The following DOCK3 variants were observed in gnomAD, a reference collection of about 807,000 sequenced individuals.
DOCK3 encodes dedicator of cytokinesis protein 3.
A neutral mutation model predicts 265.6 loss-of-function variants in DOCK3; 60 were observed. The ratio of observed to expected loss-of-function variants is 0.23; its 90% CI spans 0.18 to 0.28. The LOEUF (loss-of-function observed/expected upper bound fraction) is 0.28. Among genes scored for constraint, DOCK3 ranks in the 10% least tolerant of loss-of-function variants. The pLI is 1.00. For synonymous variants in DOCK3, 881 were observed against 938.0 expected (o/e 0.94, Z 1.11); for missense variants, 1,981 against 2,594.3 (o/e 0.76, Z 5.14).
At chr3:51,282,875 A>G (rs1406098049) in intron 27 of DOCK3, among the ~76,000 whole-genome samples, 1 of 152,164 alleles carries the variant, frequency 6.6e-6, no homozygotes, top group East Asian at 1.9e-4. Context: ...CTGGACAAAG[A>G]CATCACAAGA....
intron 5 of DOCK3, among the ~76,000 whole-genome samples, chr3:51,027,794 T>G (rs1401321383): frequency 6.6e-6 from 1 of 152,156 alleles, no homozygotes; most frequent in Non-Finnish European, 1.5e-5. Context: ...TTGCATGATC[T>G]TTATCTCTTT....
chr3:50,860,329 G>A (rs1050785166), intron 3 of DOCK3, among the ~76,000 whole-genome samples: 2 of 152,190 alleles, frequency 1.3e-5, no homozygotes, highest in East Asian at 1.9e-4. Context: ...TGCCCCTGGA[G>A]GCTCTGCTTA....
At chr3:50,823,001 A>T (rs1362665371) in intron 2 of DOCK3, among the ~76,000 whole-genome samples, 1 of 152,236 alleles carries the variant, frequency 6.6e-6, no homozygotes, top group Non-Finnish European at 1.5e-5. Flanking sequence ...ATATTGTCAC[A>T]GAATTTGAAA....
At chr3:50,993,877 T>C (rs2078192307) in intron 5 of DOCK3, among the ~76,000 whole-genome samples, 1 of 152,150 alleles carries the variant, frequency 6.6e-6, no homozygotes, top group Admixed American at 6.5e-5. Context: ...ATTACTACTA[T>C]TGTTGGTCAG....
At chr3:50,705,032 A>AT (rs34158054) in intron 1 of DOCK3, among the ~76,000 whole-genome samples, 59,848 of 136,516 alleles carry the variant, frequency 0.44, 13,500 homozygotes, top group East Asian at 0.56. Flanking sequence ...TTGTTTTCTG[A>AT]TTTTTTTTTT....
rs80244824 is a variant in DOCK3 at position 51,207,280 on chromosome 3, T to C, written c.1038-1494T>C. ...TGAGTGAAATAATGCAGATTGCCACTGTTGATAGGACTAACAAAGCTCCAG... is the reference window on the plus strand; with the variant it reads ...TGAGTGAAATAATGCAGATTGCCACCGTTGATAGGACTAACAAAGCTCCAG... On this transcript the variant is annotated intron_variant, in intron 12 of 52. Coordinates refer to ENST00000266037, the MANE Select transcript of DOCK3 (RefSeq NM_004947.5). 3.1e-3 allele frequency among the ~76,000 whole-genome samples: 471 copies of C among 152,278 alleles called. 2 individuals are homozygous for C. Among genetic ancestry groups the C allele is most frequent in the African/African-American group, 0.011 (457 of 41,542 alleles).
intron 9 of DOCK3, among the ~76,000 whole-genome samples, chr3:51,146,062 C>A (rs2085286268): frequency 6.6e-6 from 1 of 152,216 alleles, no homozygotes; most frequent in South Asian, 2.1e-4. Flanking sequence ...TCCTCACAGG[C>A]CACAGGCCCG....
At chr3:50,846,940 A>T (rs1267239199) in intron 3 of DOCK3, among the ~76,000 whole-genome samples, 1 of 151,974 alleles carries the variant, frequency 6.6e-6, no homozygotes, top group Non-Finnish European at 1.5e-5. Context: ...CAGTCCATCA[A>T]TCTTGTTGAT....
At chr3:50,869,676 C>CT (rs887955291) in intron 3 of DOCK3, among the ~76,000 whole-genome samples, 25 of 144,272 alleles carry the variant, frequency 1.7e-4, no homozygotes, top group African/African-American at 5.5e-4. Flanking sequence ...GCGACCTGAT[C>CT]TTTATTATTT....
chr3:50,872,833 A>C (rs1475928999), intron 3 of DOCK3, among the ~76,000 whole-genome samples: 1 of 152,138 alleles, frequency 6.6e-6, no homozygotes, highest in Non-Finnish European at 1.5e-5. Context: ...TCACAGGCCC[A>C]CGGGGCCTAC....
intron 5 of DOCK3, among the ~76,000 whole-genome samples, chr3:51,049,827 A>C (rs1049467438): frequency 9.0e-5 from 13 of 144,756 alleles, no homozygotes; most frequent in Admixed American, 1.4e-4. Flanking sequence ...ACACACACAC[A>C]CCCCAAAAAA....
intron 22 of DOCK3, among the ~76,000 whole-genome samples, chr3:51,248,674 C>A (rs1359580301): frequency 4.0e-5 from 6 of 151,652 alleles, no homozygotes; most frequent in Non-Finnish European, 5.9e-5. Flanking sequence ...ATGTGAGGAG[C>A]CCCTCTGCCT....
At chr3:50,721,927 C>T (rs1281556947) in intron 1 of DOCK3, among the ~76,000 whole-genome samples, 1 of 151,980 alleles carries the variant, frequency 6.6e-6, no homozygotes, top group African/African-American at 2.4e-5. Context: ...GATCAGAGTC[C>T]CCAGAGCCCC....
At chr3:50,808,734 T>C (rs1455350079) in intron 2 of DOCK3, among the ~76,000 whole-genome samples, 1 of 152,218 alleles carries the variant, frequency 6.6e-6, no homozygotes, top group East Asian at 1.9e-4. Flanking sequence ...AGGGGTTCTT[T>C]TAAGTTCTTA....
intron 4 of DOCK3, among the ~76,000 whole-genome samples, chr3:50,903,813 G>A (rs755593339): frequency 2.6e-5 from 4 of 151,646 alleles, no homozygotes; most frequent in Non-Finnish European, 5.9e-5. Context: ...TGTGCACCAC[G>A]TGCAGGTTTG....
intron 1 of DOCK3, among the ~76,000 whole-genome samples, chr3:50,739,073 G>A (rs1361153981): frequency 6.6e-6 from 1 of 151,814 alleles, no homozygotes; most frequent in Non-Finnish European, 1.5e-5. Context: ...TTTGGGGGGG[G>A]GTTATTTAGA....
intron 4 of DOCK3, among the ~76,000 whole-genome samples, chr3:50,919,228 GT>G (rs2050298162): frequency 6.6e-6 from 1 of 152,178 alleles, no homozygotes; most frequent in Admixed American, 6.5e-5. Flanking sequence ...GCTTAGGATT[GT>G]CTGGGCAATG....
chr3:51,181,140 A>AT (rs998578198), intron 12 of DOCK3, among the ~76,000 whole-genome samples: 5 of 152,070 alleles, frequency 3.3e-5, no homozygotes, highest in African/African-American at 4.8e-5. Context: ...AATAGCTTTA[A>AT]TTTTTTTTAA....
At chr3:50,857,218 G>C (rs2046643662) in intron 3 of DOCK3, among the ~76,000 whole-genome samples, 1 of 152,098 alleles carries the variant, frequency 6.6e-6, no homozygotes, top group Admixed American at 6.6e-5. Context: ...CCTCCTCCTT[G>C]ATATTTTGGA....
Sources: gnomAD v4.1 joint callset for allele counts (sites outside exome capture counted in the v4.1 genomes callset) on GRCh38, gnomAD v4.1.1 for gene constraint, MANE v1.5 for transcripts, NCBI Gene and HGNC (gene_info 2026-07-23, HGNC 2026-07-21) for gene names.